SNX24: variants seen among roughly 807,000 people sequenced by gnomAD.
SNX24 encodes sorting nexin-24.
A neutral mutation model predicts 28.7 loss-of-function variants in SNX24; 22 were observed. The observed-to-expected ratio is 0.77, with a 90% CI of 0.55 to 1.10. SNX24 has a LOEUF of 1.10. SNX24 is among the 50% of genes least tolerant of loss of function. The pLI is 0.00. For synonymous variants in SNX24, 69 were observed against 71.5 expected (o/e 0.96, Z 0.18); for missense variants, 221 against 201.1 (o/e 1.10, Z -0.60).
chr5:122,861,377 C>G (rs1289344328), intron 1 of SNX24, among the ~76,000 whole-genome samples: 1 of 152,090 alleles, frequency 6.6e-6, no homozygotes. Context: ...CCCAGCCCTG[C>G]GAAGTATTAC....
At chr5:122,890,030 G>A (rs1756899202) in intron 1 of SNX24, among the ~76,000 whole-genome samples, 1 of 151,618 alleles carries the variant, frequency 6.6e-6, no homozygotes, top group African/African-American at 2.4e-5. Flanking sequence ...GTCCTCTATG[G>A]CATTGTCATT....
At chr5:122,917,896 C>T (rs1355391479) in intron 1 of SNX24, among the ~76,000 whole-genome samples, 7 of 151,784 alleles carry the variant, frequency 4.6e-5, no homozygotes, top group Non-Finnish European at 5.9e-5. Context: ...CTGGCTAACA[C>T]GGTGAAACCC....
At chr5:122,880,913 A>T (rs1003841859) in intron 1 of SNX24, among the ~76,000 whole-genome samples, 5 of 152,216 alleles carry the variant, frequency 3.3e-5, no homozygotes, top group Non-Finnish European at 7.3e-5. Context: ...TTTGTCATGC[A>T]CTGAGCATGC....
At chr5:122,953,607 C>A (rs1418099611) in intron 3 of SNX24, among the ~76,000 whole-genome samples, 1 of 151,580 alleles carries the variant, frequency 6.6e-6, no homozygotes, top group Non-Finnish European at 1.5e-5. Flanking sequence ...TTAGTGGGTA[C>A]ATCCCTCCAT....
chr5:122,969,768 C>T (rs1760875060), intron 3 of SNX24, among the ~76,000 whole-genome samples: 1 of 152,106 alleles, frequency 6.6e-6, no homozygotes, highest in Non-Finnish European at 1.5e-5. Flanking sequence ...AATCCTGGAT[C>T]CCTCTTGCCC....
At chr5:122,927,965 T>G (rs1343506836) in intron 1 of SNX24, among the ~76,000 whole-genome samples, 1 of 152,212 alleles carries the variant, frequency 6.6e-6, no homozygotes, top group African/African-American at 2.4e-5. Flanking sequence ...TTCCAGTTGC[T>G]CAGACCAAAA....
intron 6 of SNX24, among the ~76,000 whole-genome samples, chr5:123,003,456 A>T (rs925173100): frequency 1.3e-5 from 2 of 151,270 alleles, no homozygotes; most frequent in Non-Finnish European, 1.5e-5. Context: ...TTAAATAGAT[A>T]GTTTTATAAA....
At chr5:122,995,906 G>T (rs1762037912) in intron 3 of SNX24, among the ~76,000 whole-genome samples, 1 of 152,102 alleles carries the variant, frequency 6.6e-6, no homozygotes, top group East Asian at 1.9e-4. Context: ...TATAACAGGG[G>T]CAGCATGGTA....
chr5:122,870,546 G>A (rs553174617), intron 1 of SNX24, among the ~76,000 whole-genome samples: 2 of 152,224 alleles, frequency 1.3e-5, no homozygotes, highest in East Asian at 3.8e-4. Flanking sequence ...GGCTGCAAAA[G>A]TAGTGACAGT....
intron 3 of SNX24, among the ~76,000 whole-genome samples, chr5:122,989,025 A>C (rs1041318628): frequency 1.3e-5 from 2 of 152,184 alleles, no homozygotes; most frequent in African/African-American, 4.8e-5. Flanking sequence ...AAAATAGAAT[A>C]TCAGAATTTC....
intron 1 of SNX24, among the ~76,000 whole-genome samples, chr5:122,883,630 G>C (rs1756572240): frequency 6.6e-6 from 1 of 151,986 alleles, no homozygotes; most frequent in Admixed American, 6.6e-5. Context: ...TATTACTCAG[G>C]GTTGTCACAT....
At chr5:123,005,820 A>T (rs558300972) in intron 6 of SNX24, among the ~76,000 whole-genome samples, 153 of 152,314 alleles carry the variant, frequency 1.0e-3, no homozygotes, top group African/African-American at 3.5e-3. Context: ...TTGGGCTCTA[A>T]ATATACATGT....
intron 2 of SNX24, among the ~76,000 whole-genome samples, chr5:122,942,018 C>T (rs558351462): frequency 1.3e-5 from 2 of 152,182 alleles, no homozygotes; most frequent in Non-Finnish European, 2.9e-5. Flanking sequence ...GTCCACACCC[C>T]ACTATGGCCA....
intron 1 of SNX24, among the ~76,000 whole-genome samples, chr5:122,913,851 C>T (rs1315310646): frequency 6.6e-6 from 1 of 152,226 alleles, no homozygotes; most frequent in Non-Finnish European, 1.5e-5. Flanking sequence ...ACTCCGTCTG[C>T]AATCCTGGCA....
chr5:122,987,851 C>G (rs989181277), intron 3 of SNX24, among the ~76,000 whole-genome samples: 1 of 152,048 alleles, frequency 6.6e-6, no homozygotes, highest in Non-Finnish European at 1.5e-5. Context: ...AGTTTGCATA[C>G]CAAGTCTATA....
chr5:122,869,081 T>A (rs1317288026), intron 1 of SNX24, among the ~76,000 whole-genome samples: 3 of 152,232 alleles, frequency 2.0e-5, no homozygotes, highest in Non-Finnish European at 4.4e-5. Context: ...ATTTTTAAAA[T>A]GTGAATATAG....
chr5:122,970,574 T>C (rs1760917216), intron 3 of SNX24, among the ~76,000 whole-genome samples: 1 of 152,180 alleles, frequency 6.6e-6, no homozygotes, highest in South Asian at 2.1e-4. Flanking sequence ...GTTCACGCCA[T>C]TCTCCTGCCT....
At chr5:122,965,331 T>G (rs1581806455) in intron 3 of SNX24, 1 of 400,528 alleles carries the variant, frequency 2.5e-6, no homozygotes, top group East Asian at 7.2e-5. Flanking sequence ...CACTCAGGCC[T>G]AATTGCTGCC....
chr5:122,929,041 G>T (rs2447820), intron 1 of SNX24, among the ~76,000 whole-genome samples: 25,784 of 151,802 alleles, frequency 0.17, 2,717 homozygotes, highest in East Asian at 0.47. Context: ...AGTAAGGTCT[G>T]TTAGGGGTTT....
Sources: gnomAD v4.1 joint callset for allele counts (sites outside exome capture counted in the v4.1 genomes callset) on GRCh38, gnomAD v4.1.1 for gene constraint, MANE v1.5 for transcripts, NCBI Gene and HGNC (gene_info 2026-07-23, HGNC 2026-07-21) for gene names.